The following SCARB2 variants were observed in gnomAD, a reference collection of about 807,000 sequenced individuals.
The protein encoded by SCARB2 is scavenger receptor class B member 2, also known as lysosome membrane protein 2.
Under a neutral mutation model 58.6 loss-of-function variants are expected in SCARB2, and 29 were observed. That is an observed-to-expected ratio of 0.49 (90% confidence interval 0.37 to 0.67). SCARB2 has a LOEUF of 0.67. Among genes scored for constraint, SCARB2 ranks in the 30% least tolerant of loss-of-function variants. SCARB2 has a pLI of 0.00. For synonymous variants in SCARB2, 195 were observed against 210.1 expected (o/e 0.93, Z 0.62); for missense variants, 488 against 578.5 (o/e 0.84, Z 1.60).
intron 1 of SCARB2, among the ~76,000 whole-genome samples, chr4:76,230,739 G>A (rs949491608): frequency 6.0e-4 from 92 of 152,124 alleles, no homozygotes; most frequent in African/African-American, 2.1e-3. Flanking sequence ...GTGTTAAAAT[G>A]ACTTACACTC....
At chr4:76,175,477 C>T in intron 6 of SCARB2, 1 of 375,136 alleles carries the variant, frequency 2.7e-6, no homozygotes, top group Non-Finnish European at 5.1e-6. Flanking sequence ...CATTTGTCCT[C>T]ATAACAACCT....
Position 76,210,382 on chromosome 4 carries a change from A to G in SCARB2, c.117+3045T>C, listed in dbSNP as rs935199251. Among the ~76,000 whole-genome samples the G allele has an allele frequency of 2.0e-5, 3 of 152,196 alleles. No individual in the cohort carries two copies. In the East Asian group the frequency reaches 5.8e-4, roughly 29 times the overall value. On this transcript the variant is annotated intron_variant, in intron 1 of 11. Transcript: ENST00000264896. ...CACTCTTCTTTCTATTAAAATGATC[A>G]CAGGCGAGTGAAGAGGCATTTAATA...
intron 7 of SCARB2, among the ~76,000 whole-genome samples, chr4:76,172,004 C>CTATATA (rs577052580): frequency 2.7e-5 from 4 of 148,828 alleles, no homozygotes; most frequent in African/African-American, 9.9e-5. Flanking sequence ...GTGTGTATAC[C>CTATATA]TATATATATA....
chr4:76,214,353 CG>C (rs1733158461), upstream of SCARB2: 1 of 451,812 alleles, frequency 2.2e-6, no homozygotes, highest in Admixed American at 2.4e-5. Flanking sequence ...AAGTTTGTCA[CG>C]TAAGGGGCAT....
intron 1 of SCARB2, among the ~76,000 whole-genome samples, chr4:76,229,866 C>T (rs1428448778): frequency 6.6e-6 from 1 of 152,170 alleles, no homozygotes; most frequent in Non-Finnish European, 1.5e-5. Flanking sequence ...ATCTGGTTAG[C>T]CATGATGTTG....
chr4:76,176,274 TACC>T, intron 5 of SCARB2, 160 bp downstream of exon 5: 10 of 621,690 alleles, frequency 1.6e-5, no homozygotes, highest in Non-Finnish European at 2.8e-5. Context: ...TAAGATGTTT[TACC>T]ACCATCTTGA....
intron 1 of SCARB2, among the ~76,000 whole-genome samples, chr4:76,197,966 G>A (rs1168163919): frequency 2.6e-5 from 4 of 152,058 alleles, no homozygotes. Flanking sequence ...AAGGCAAGGA[G>A]AAGGAATGGA....
chr4:76,184,799 A>ATTT (rs750605866), intron 2 of SCARB2: 29,702 of 361,652 alleles, frequency 0.082, 1,697 homozygotes, highest in African/African-American at 0.18. Flanking sequence ...AAAAAAAAAA[A>ATTT]TTTTAATTTA....
chr4:76,174,143 C>A lies in SCARB2; in HGVS notation c.994+1G>T. On this transcript the variant is annotated splice_donor_variant, in intron 7 of 11. Coordinates refer to ENST00000264896, the MANE Select transcript of SCARB2 (RefSeq NM_005506.4). LOFTEE classifies it high-confidence loss of function. ...ATCATGTCCCCTCTCTGAGTTCTTACCATTCTTGCAGATGCTGACATTCAG... is the reference window on the plus strand; with the variant it reads ...ATCATGTCCCCTCTCTGAGTTCTTAACATTCTTGCAGATGCTGACATTCAG... 6.2e-7 allele frequency: 1 copy of A among 1,613,680 alleles called. No homozygotes were observed. Among genetic ancestry groups the A allele is most frequent in the Non-Finnish European group, 8.5e-7 (1 of 1,180,016 alleles).
intron 1 of SCARB2, among the ~76,000 whole-genome samples, chr4:76,211,727 C>G (rs1470588698): frequency 6.6e-6 from 1 of 152,144 alleles, no homozygotes; most frequent in Non-Finnish European, 1.5e-5. Context: ...ACAGGTAATC[C>G]AGGAAAAAGC....
At chr4:76,211,522 G>A (rs1255171209) in intron 1 of SCARB2, among the ~76,000 whole-genome samples, 2 of 152,180 alleles carry the variant, frequency 1.3e-5, no homozygotes, top group South Asian at 4.1e-4. Flanking sequence ...CACACCTTAA[G>A]GTTATAAGAA....
Position 76,213,516 on chromosome 4 carries a change from C to T in SCARB2, c.28G>A (p.Gly10Arg). 1 of 1,610,660 alleles carries T rather than the reference C, an allele frequency of 6.2e-7. No individual in the cohort carries two copies. Among genetic ancestry groups the T allele is most frequent in the Middle Eastern group, 1.7e-4 (1 of 6,054 alleles). Reference sequence around the variant, plus strand: ...ACCAGCAGGAGCAGGGACAACGTCCCCGCCGTGTAGAAGCAGCATCGGCCC... The same window carrying T: ...ACCAGCAGGAGCAGGGACAACGTCCTCGCCGTGTAGAAGCAGCATCGGCCC... MGRCCFYTA[G>R]TLSLLLLVTS... The change falls in exon 1 of 12, where the codon GGG (glycine) becomes AGG (arginine). Residue 10 changes from glycine to arginine, a missense_variant. Transcript: ENST00000264896.
intron 2 of SCARB2, among the ~76,000 whole-genome samples, chr4:76,181,792 C>T (rs922223431): frequency 6.6e-6 from 1 of 152,130 alleles, no homozygotes; most frequent in Admixed American, 6.5e-5. Context: ...TCTTGAACTC[C>T]TGGACTCAAG....
rs970918744 is a variant in SCARB2 at position 76,161,293 on chromosome 4, C to A, written c.*420G>T. Reference sequence around the variant, plus strand: ...GTTTTGCAAGTGAAATGGAGGAATACAACATAAAATGGTATATACGCATTT... The same window carrying A: ...GTTTTGCAAGTGAAATGGAGGAATAAAACATAAAATGGTATATACGCATTT... On this transcript the variant is annotated 3_prime_UTR_variant, in exon 12 of 12. Transcript: ENST00000264896. 5.4e-6 allele frequency: 1 copy of A among 186,586 alleles called. No homozygotes were observed. Among genetic ancestry groups the A allele is most frequent in the East Asian group, 1.4e-4 (1 of 7,156 alleles). 11.6% of individuals were successfully genotyped at this position (186,586 alleles called of 1,614,324 possible).
chr4:76,174,735 G>A, intron 6 of SCARB2: 1 of 198,444 alleles, frequency 5.0e-6, no homozygotes, highest in Non-Finnish European at 1.0e-5. Context: ...GCCTCGTAGG[G>A]TCTTAGGCAC....
chr4:76,225,455 T>C (rs1237866624), intron 1 of SCARB2, among the ~76,000 whole-genome samples: 1 of 152,196 alleles, frequency 6.6e-6, no homozygotes, highest in African/African-American at 2.4e-5. Context: ...TGGGCATCCT[T>C]GTCTTGTTCC....
intron 1 of SCARB2, among the ~76,000 whole-genome samples, chr4:76,203,257 G>A (rs902523580): frequency 6.6e-6 from 1 of 152,188 alleles, no homozygotes; most frequent in African/African-American, 2.4e-5. Flanking sequence ...CTACAGGCAT[G>A]AGGCACCACA....
rs1213536174 is a variant in SCARB2 at position 76,213,648 on chromosome 4, G to GCCACGC, written c.-111_-106dup. The GCCACGC allele has an allele frequency of 4.5e-5, 39 of 872,238 alleles. No homozygotes were observed. Among genetic ancestry groups the GCCACGC allele is most frequent in the Admixed American group, 4.2e-4 (20 of 47,950 alleles). 54.0% of individuals were successfully genotyped at this position (872,238 alleles called of 1,614,324 possible). On this transcript the variant is annotated 5_prime_UTR_variant, in exon 1 of 12. Transcript: ENST00000264896. ...CGTCGAAGACCCGGGACCCTTCGGC[G>GCCACGC]CCACGCCCACGCCCTCCCGGCGCAC...
intron 1 of SCARB2, among the ~76,000 whole-genome samples, chr4:76,228,249 G>A (rs922634658): frequency 5.3e-5 from 8 of 152,008 alleles, no homozygotes; most frequent in African/African-American, 1.7e-4. Flanking sequence ...AGGCTGAGGG[G>A]GGTGCAGATC....
Sources: gnomAD v4.1 joint callset for allele counts (sites outside exome capture counted in the v4.1 genomes callset) on GRCh38, gnomAD v4.1.1 for gene constraint, MANE v1.5 for transcripts, NCBI Gene and HGNC (gene_info 2026-07-23, HGNC 2026-07-21) for gene names.